The following NRCAM variants were observed in gnomAD, a reference collection of about 807,000 sequenced individuals.
The protein encoded by NRCAM is NgCAM-related cell adhesion molecule.
NRCAM carries 83 observed loss-of-function variants against 156.5 expected under a neutral mutation model. The ratio of observed to expected loss-of-function variants is 0.53; its 90% CI spans 0.44 to 0.64. The LOEUF is 0.64. NRCAM is among the 30% of genes least tolerant of loss of function. The pLI, the probability that NRCAM is intolerant of heterozygous loss-of-function variation, is 0.00. For missense variants in NRCAM, 1,417 were observed against 1,597.3 expected, an observed-to-expected ratio of 0.89 and a Z score of 1.92; for synonymous variants, 538 against 563.9, an observed-to-expected ratio of 0.95 and a Z score of 0.65.
chr7:108,354,742 C>T (rs1204469089), intron 2 of NRCAM, among the ~76,000 whole-genome samples: 1 of 151,614 alleles, frequency 6.6e-6, no homozygotes, highest in Non-Finnish European at 1.5e-5. Context: ...TAAAAGTACA[C>T]AATTAGCTGG....
At chr7:108,452,658 T>C (rs942468604) in intron 1 of NRCAM, among the ~76,000 whole-genome samples, 7 of 152,228 alleles carry the variant, frequency 4.6e-5, no homozygotes, top group Non-Finnish European at 8.8e-5. Flanking sequence ...AATCACTTCC[T>C]CTTCATCAAT....
chr7:108,201,580 C>CACA (rs2078153426), intron 13 of NRCAM, among the ~76,000 whole-genome samples: 2 of 152,064 alleles, frequency 1.3e-5, no homozygotes, highest in South Asian at 4.2e-4. Context: ...GTGTTTTTAC[C>CACA]ACAATAATAA....
chr7:108,354,670 G>A (rs1009637783), intron 2 of NRCAM, among the ~76,000 whole-genome samples: 2 of 152,148 alleles, frequency 1.3e-5, no homozygotes, highest in Non-Finnish European at 2.9e-5. Flanking sequence ...CAAGGTGGGT[G>A]GATCACCTGA....
At chr7:108,389,997 G>A (rs2099754414) in intron 2 of NRCAM, among the ~76,000 whole-genome samples, 1 of 152,118 alleles carries the variant, frequency 6.6e-6, no homozygotes, top group Non-Finnish European at 1.5e-5. Flanking sequence ...CATTCATCGG[G>A]GATATTGGTC....
chr7:108,230,478 T>G (rs192770467), intron 8 of NRCAM, among the ~76,000 whole-genome samples: 2 of 152,278 alleles, frequency 1.3e-5, no homozygotes, highest in East Asian at 3.9e-4. Context: ...ATTTCCCTAC[T>G]TCATTCCAAG....
chr7:108,306,764 G>C (rs537545260), intron 3 of NRCAM, among the ~76,000 whole-genome samples: 28 of 152,232 alleles, frequency 1.8e-4, no homozygotes, highest in African/African-American at 6.7e-4. Flanking sequence ...AAGCAGAGTG[G>C]AAACAGAATT....
At chr7:108,398,618 C>T (rs981948602) in intron 2 of NRCAM, among the ~76,000 whole-genome samples, 3 of 152,196 alleles carry the variant, frequency 2.0e-5, no homozygotes, top group African/African-American at 7.2e-5. Context: ...CCCTTGTCCA[C>T]CCTACCCTGC....
At chr7:108,300,273 T>G (rs1592344447) in intron 3 of NRCAM, among the ~76,000 whole-genome samples, 1 of 151,138 alleles carries the variant, frequency 6.6e-6, no homozygotes, top group Admixed American at 6.6e-5. Context: ...CAATTGTTAT[T>G]GTAATACTAT....
At chr7:108,355,690 G>A (rs1249491901) in intron 2 of NRCAM, among the ~76,000 whole-genome samples, 4 of 152,136 alleles carry the variant, frequency 2.6e-5, no homozygotes, top group Admixed American at 6.5e-5. Flanking sequence ...CCACTGTACT[G>A]TGCTGTAGGC....
chr7:108,321,163 T>A (rs1265346350), intron 2 of NRCAM, among the ~76,000 whole-genome samples: 3 of 152,224 alleles, frequency 2.0e-5, no homozygotes, highest in Non-Finnish European at 4.4e-5. Flanking sequence ...ATTTTTCTGC[T>A]TACACTACAT....
At chr7:108,165,246 T>G (rs1325601003) in intron 30 of NRCAM, among the ~76,000 whole-genome samples, 13 of 152,130 alleles carry the variant, frequency 8.5e-5, no homozygotes, top group Non-Finnish European at 1.9e-4. Context: ...AGTGGGGGTA[T>G]AGTGAGGCCT....
chr7:108,331,589 T>G (rs1211411746), intron 2 of NRCAM, among the ~76,000 whole-genome samples: 1 of 152,204 alleles, frequency 6.6e-6, no homozygotes, highest in Non-Finnish European at 1.5e-5. Context: ...GAGGATTAAA[T>G]GAATTAATAT....
intron 1 of NRCAM, among the ~76,000 whole-genome samples, chr7:108,410,575 A>G (rs371934275): frequency 6.6e-6 from 1 of 152,198 alleles, no homozygotes; most frequent in Non-Finnish European, 1.5e-5. Context: ...GCCTTGATCA[A>G]TTTTTAAAGC....
At position 108,159,465 on chromosome 7, in the gene NRCAM, G is replaced by A. The variant is rs1424722290; in HGVS notation, c.3675C>T (p.Tyr1225=). The change falls in exon 32 of 33, where the codon TAC becomes TAT. Residue 1225 remains tyrosine (Y), a splice_region_variant and synonymous_variant. Transcript: ENST00000379028. ...MKEDDGTFGE[Y]SDAEDHKPLK... ...AGAGCAGAGAAGCAGGGGCTCACCTGTATTCTCCAAATGTCCCATCATCTT... is the reference window on the plus strand; with the variant it reads ...AGAGCAGAGAAGCAGGGGCTCACCTATATTCTCCAAATGTCCCATCATCTT... The A allele has an allele frequency of 6.2e-7, 1 of 1,612,460 alleles. No individual in the cohort carries two copies. Among genetic ancestry groups the A allele is most frequent in the African/African-American group, 1.3e-5 (1 of 74,846 alleles).
At chr7:108,204,625 G>A (rs2080063310) in intron 13 of NRCAM, among the ~76,000 whole-genome samples, 1 of 152,192 alleles carries the variant, frequency 6.6e-6, no homozygotes, top group South Asian at 2.1e-4. Context: ...TTGCTTTGCT[G>A]CCACACCATG....
chr7:108,268,636 T>TGGGGGGGGGGGGGGG (rs1300340254), intron 3 of NRCAM, among the ~76,000 whole-genome samples: 1 of 8,492 alleles, frequency 1.2e-4, no homozygotes, highest in African/African-American at 4.8e-4. Flanking sequence ...GGGGGGGGGT[T>TGGGGGGGGGGGGGGG]GGGGGGGGCG....
intron 28 of NRCAM, among the ~76,000 whole-genome samples, chr7:108,174,118 G>A (rs2059576533): frequency 6.6e-6 from 1 of 152,132 alleles, no homozygotes; most frequent in Non-Finnish European, 1.5e-5. Context: ...AATTATCATA[G>A]GAAGGAAGTA....
intron 13 of NRCAM, among the ~76,000 whole-genome samples, chr7:108,205,150 T>TCCC (rs909637935): frequency 3.9e-5 from 6 of 152,040 alleles, no homozygotes; most frequent in African/African-American, 1.4e-4. Context: ...AATGAGGGTT[T>TCCC]CCCCCTCATG....
intron 1 of NRCAM, among the ~76,000 whole-genome samples, chr7:108,409,907 T>G (rs917509112): frequency 4.6e-5 from 7 of 152,242 alleles, no homozygotes; most frequent in African/African-American, 1.7e-4. Context: ...TTGTTTTGCA[T>G]ATTATATCTT....
Sources: gnomAD v4.1 joint callset for allele counts (sites outside exome capture counted in the v4.1 genomes callset) on GRCh38, gnomAD v4.1.1 for gene constraint, MANE v1.5 for transcripts, NCBI Gene and HGNC (gene_info 2026-07-23, HGNC 2026-07-21) for gene names.